The following C8orf34 variants were observed in gnomAD, a reference collection of about 807,000 sequenced individuals.
The protein encoded by C8orf34 is uncharacterized protein C8orf34.
Under a neutral mutation model 68.3 loss-of-function variants are expected in C8orf34, and 65 were observed. The ratio of observed to expected loss-of-function variants is 0.95; its 90% CI spans 0.78 to 1.17. The LOEUF is 1.17. C8orf34 is among the 50% of genes most tolerant of loss of function. C8orf34 has a pLI of 0.00. For synonymous variants in C8orf34, 244 were observed against 241.2 expected (o/e 1.01, Z -0.11); for missense variants, 664 against 655.4 (o/e 1.01, Z -0.14).
chr8:68,589,600 GGAAAGAAA>G (rs541086204), intron 7 of C8orf34, among the ~76,000 whole-genome samples: 73 of 125,328 alleles, frequency 5.8e-4, no homozygotes, highest in African/African-American at 2.2e-3. Flanking sequence ...AAGGAAGGAA[GGAAAGAAA>G]GAAGGAGAGA....
chr8:68,768,697 T>C (rs1166615909), intron 10 of C8orf34, among the ~76,000 whole-genome samples: 1 of 152,194 alleles, frequency 6.6e-6, no homozygotes, highest in African/African-American at 2.4e-5. Context: ...GCACATGCTT[T>C]CACCATTCTC....
chr8:68,726,479 C>T (rs569696752), intron 10 of C8orf34, among the ~76,000 whole-genome samples: 2 of 152,230 alleles, frequency 1.3e-5, no homozygotes, highest in South Asian at 4.1e-4. Flanking sequence ...CTGTGACAAG[C>T]TTAATCCAAA....
At chr8:68,602,028 A>G (rs1817713149) in intron 7 of C8orf34, among the ~76,000 whole-genome samples, 1 of 152,012 alleles carries the variant, frequency 6.6e-6, no homozygotes, top group Admixed American at 6.6e-5. Context: ...CATTGCCTCC[A>G]ATGAGGAGAG....
chr8:68,592,693 C>T (rs1209350573), intron 7 of C8orf34, among the ~76,000 whole-genome samples: 1 of 147,380 alleles, frequency 6.8e-6, no homozygotes, highest in East Asian at 2.0e-4. Flanking sequence ...ACTGCAACCT[C>T]TGCCTCCCAG....
chr8:68,414,979 G>A (rs994445976), intron 1 of C8orf34, among the ~76,000 whole-genome samples: 2 of 152,042 alleles, frequency 1.3e-5, no homozygotes, highest in African/African-American at 2.4e-5. Context: ...TGATCAGTAT[G>A]TTCACTATGT....
At chr8:68,513,736 C>T (rs765944630) in intron 5 of C8orf34, among the ~76,000 whole-genome samples, 4 of 152,182 alleles carry the variant, frequency 2.6e-5, no homozygotes, top group African/African-American at 9.7e-5. Context: ...GGAAGGGGAA[C>T]GCAGTGGCAG....
At chr8:68,331,523 C>G in intron 1 of C8orf34, 184 bp downstream of exon 1, 1 of 691,316 alleles carries the variant, frequency 1.4e-6, no homozygotes, top group Non-Finnish European at 2.5e-6. Context: ...GGAACGCGGC[C>G]GGGCGGGCAC....
intron 5 of C8orf34, among the ~76,000 whole-genome samples, chr8:68,517,114 C>A (rs1814552866): frequency 6.6e-6 from 1 of 152,064 alleles, no homozygotes. Context: ...AAAATATTTT[C>A]AAAATAATTT....
Position 68,342,766 on chromosome 8 carries a change from T to A in C8orf34, c.327+11427T>A, listed in dbSNP as rs181259039. On this transcript the variant is annotated intron_variant, in intron 1 of 13. Transcript: ENST00000518698. ...CAGATTGACTCTTGTGGTATCTCAG[T>A]GCTTGAGTTCAGGTACCCCTTATTT... is the stretch of plus-strand genomic sequence containing the variant. Among the ~76,000 whole-genome samples, 313 of 152,230 alleles carry A rather than the reference T, an allele frequency of 2.1e-3. 3 individuals are homozygous for A. The highest frequency in any genetic ancestry group is 7.0e-3 in the African/African-American group (292 of 41,530).
chr8:68,580,521 C>T lies in C8orf34; in HGVS notation c.1105+47372C>T, dbSNP rs114887892. On this transcript the variant is annotated intron_variant, in intron 7 of 13. Coordinates refer to ENST00000518698, the MANE Select transcript of C8orf34 (RefSeq NM_052958.4). ...ACAATGATAACATTACACTTATGGCCCCTATCAGGTTGATCCAAGTCCAAA... is the reference window on the plus strand; with the variant it reads ...ACAATGATAACATTACACTTATGGCTCCTATCAGGTTGATCCAAGTCCAAA... Among the ~76,000 whole-genome samples, 375 of 152,058 alleles carry T rather than the reference C, an allele frequency of 2.5e-3. 1 individual carries two copies. The highest frequency in any genetic ancestry group is 8.1e-3 in the African/African-American group (335 of 41,488).
At chr8:68,632,214 G>A (rs1461240376) in intron 7 of C8orf34, among the ~76,000 whole-genome samples, 1 of 152,164 alleles carries the variant, frequency 6.6e-6, no homozygotes, top group East Asian at 1.9e-4. Context: ...GGGAACTGGA[G>A]CAGAGGTCAC....
At chr8:68,589,359 G>A (rs1395608715) in intron 7 of C8orf34, among the ~76,000 whole-genome samples, 1 of 151,012 alleles carries the variant, frequency 6.6e-6, no homozygotes, top group Non-Finnish European at 1.5e-5. Flanking sequence ...AGAATACAGA[G>A]AAAGAAAGAA....
At chr8:68,692,087 CG>C (rs562412887) in intron 8 of C8orf34, among the ~76,000 whole-genome samples, 58 of 151,878 alleles carry the variant, frequency 3.8e-4, no homozygotes, top group Non-Finnish European at 7.7e-4. Flanking sequence ...TGAGAAAGCC[CG>C]GGGATGATCC....
chr8:68,794,368 G>A (rs1416605334), intron 12 of C8orf34, among the ~76,000 whole-genome samples: 2 of 145,434 alleles, frequency 1.4e-5, no homozygotes, highest in Non-Finnish European at 3.0e-5. Context: ...ACAAGGTCTC[G>A]CTATATTGCC....
At chr8:68,743,866 C>A (rs1822386442) in intron 10 of C8orf34, among the ~76,000 whole-genome samples, 1 of 152,252 alleles carries the variant, frequency 6.6e-6, no homozygotes. Context: ...GGAGCTGGAA[C>A]TGAGTGGAGC....
At chr8:68,669,808 G>C (rs145074271) in intron 8 of C8orf34, among the ~76,000 whole-genome samples, 70 of 152,260 alleles carry the variant, frequency 4.6e-4, no homozygotes, top group South Asian at 6.2e-4. Context: ...TGGAGTGATG[G>C]AGTTTTACAT....
chr8:68,523,240 T>C (rs1370238263), intron 6 of C8orf34, among the ~76,000 whole-genome samples: 1 of 152,208 alleles, frequency 6.6e-6, no homozygotes, highest in Non-Finnish European at 1.5e-5. Flanking sequence ...TAAAACCTAC[T>C]AGACTTTTAT....
intron 6 of C8orf34, among the ~76,000 whole-genome samples, chr8:68,527,348 G>A (rs969650079): frequency 1.3e-5 from 2 of 152,136 alleles, no homozygotes; most frequent in Non-Finnish European, 2.9e-5. Context: ...CGAGGCGGGC[G>A]GATCACAAGG....
chr8:68,717,594 A>G (rs1031066135), intron 9 of C8orf34, among the ~76,000 whole-genome samples: 1 of 152,030 alleles, frequency 6.6e-6, no homozygotes, highest in African/African-American at 2.4e-5. Context: ...TATGAAGGTT[A>G]TTGAAAATGC....
Sources: allele counts gnomAD v4.1 joint callset (sites outside exome capture counted in the v4.1 genomes callset), GRCh38; gene constraint gnomAD v4.1.1; transcripts MANE v1.5; gene names NCBI Gene and HGNC (gene_info 2026-07-23, HGNC 2026-07-21).